The following APBA1 variants were observed in gnomAD, a reference collection of about 807,000 sequenced individuals.
APBA1 encodes the protein amyloid beta precursor protein binding family A member 1, also known as amyloid-beta A4 precursor protein-binding family A member 1.
A neutral mutation model predicts 86.6 loss-of-function variants in APBA1; 55 were observed. That is an observed-to-expected ratio of 0.64 (90% confidence interval 0.51 to 0.80). The LOEUF (loss-of-function observed/expected upper bound fraction) is 0.80. Among genes scored for constraint, APBA1 ranks in the 30% least tolerant of loss-of-function variants. The pLI is 0.00. For missense variants in APBA1, 1,090 were observed against 1,183.0 expected, an observed-to-expected ratio of 0.92 and a Z score of 1.15; for synonymous variants, 511 against 493.9, an observed-to-expected ratio of 1.03 and a Z score of -0.46.
intron 2 of APBA1, among the ~76,000 whole-genome samples, chr9:69,487,849 T>A (rs1835636804): frequency 6.6e-6 from 1 of 152,114 alleles, no homozygotes; most frequent in Admixed American, 6.5e-5. Flanking sequence ...TGAACAGTCC[T>A]CCACCCCAAA....
At chr9:69,665,535 C>A (rs1232213243) in intron 1 of APBA1, among the ~76,000 whole-genome samples, 2 of 152,166 alleles carry the variant, frequency 1.3e-5, no homozygotes, top group Non-Finnish European at 2.9e-5. Context: ...CTCATCAATT[C>A]CTCTCCGTAA....
chr9:69,448,405 G>C (rs1293323677), intron 10 of APBA1, among the ~76,000 whole-genome samples: 7 of 152,218 alleles, frequency 4.6e-5, no homozygotes, highest in Admixed American at 3.3e-4. Flanking sequence ...CCTTTAACGT[G>C]TATTAAGCAA....
At chr9:69,433,049 G>C (rs1834633262) in intron 11 of APBA1, among the ~76,000 whole-genome samples, 1 of 152,208 alleles carries the variant, frequency 6.6e-6, no homozygotes, top group Non-Finnish European at 1.5e-5. Context: ...AGTCATGACT[G>C]GGACTCAAGC....
chr9:69,445,536 T>C, intron 10 of APBA1, among the ~76,000 whole-genome samples: 1 of 152,034 alleles, frequency 6.6e-6, no homozygotes, highest in East Asian at 1.9e-4. Context: ...ATGGTCTCTA[T>C]AGCAACGGGA....
intron 1 of APBA1, among the ~76,000 whole-genome samples, chr9:69,660,776 G>T (rs1300391873): frequency 6.6e-6 from 1 of 152,048 alleles, no homozygotes; most frequent in Non-Finnish European, 1.5e-5. Context: ...ACATGTGGGG[G>T]GCATACTATA....
chr9:69,497,549 C>T (rs1201455957), intron 2 of APBA1, among the ~76,000 whole-genome samples: 1 of 152,176 alleles, frequency 6.6e-6, no homozygotes, highest in Non-Finnish European at 1.5e-5. Flanking sequence ...GTATCATCAG[C>T]ACACTGCTTG....
intron 1 of APBA1, among the ~76,000 whole-genome samples, chr9:69,604,903 C>G (rs891378035): frequency 5.9e-5 from 9 of 151,864 alleles, no homozygotes; most frequent in African/African-American, 2.2e-4. Flanking sequence ...AGAGGAGAGG[C>G]ACACGGGTAT....
At chr9:69,441,321 T>G (rs938975166) in intron 10 of APBA1, among the ~76,000 whole-genome samples, 2 of 152,224 alleles carry the variant, frequency 1.3e-5, no homozygotes. Flanking sequence ...ATGTTGCAGA[T>G]GGAGCCCTCT....
intron 1 of APBA1, among the ~76,000 whole-genome samples, chr9:69,541,099 CA>C (rs1836602065): frequency 6.6e-6 from 1 of 152,070 alleles, no homozygotes; most frequent in African/African-American, 2.4e-5. Flanking sequence ...TATTAATGGA[CA>C]TTTAGGTTGT....
At chr9:69,552,403 C>G (rs750983289) in intron 1 of APBA1, among the ~76,000 whole-genome samples, 1 of 152,178 alleles carries the variant, frequency 6.6e-6, no homozygotes, top group African/African-American at 2.4e-5. Context: ...ATGTCCTGCA[C>G]GAAAATCAAT....
chr9:69,454,337 C>T (rs1296003967), intron 8 of APBA1, among the ~76,000 whole-genome samples: 1 of 152,126 alleles, frequency 6.6e-6, no homozygotes, highest in African/African-American at 2.4e-5. Flanking sequence ...AAATATATAC[C>T]TGGGAATGTG....
At chr9:69,591,509 A>G (rs1021997142) in intron 1 of APBA1, among the ~76,000 whole-genome samples, 2 of 152,208 alleles carry the variant, frequency 1.3e-5, no homozygotes, top group African/African-American at 2.4e-5. Flanking sequence ...CTTCAAAGAC[A>G]GTTGTTAAGT....
intron 1 of APBA1, among the ~76,000 whole-genome samples, chr9:69,621,933 C>G (rs1479983262): frequency 6.6e-6 from 1 of 152,152 alleles, no homozygotes; most frequent in Non-Finnish European, 1.5e-5. Flanking sequence ...CATGTTCTCC[C>G]GTCCCAGATG....
chr9:69,441,885 G>A (rs186538715), intron 10 of APBA1, among the ~76,000 whole-genome samples: 3 of 152,250 alleles, frequency 2.0e-5, no homozygotes, highest in Admixed American at 1.3e-4. Flanking sequence ...TAGTTTCAGA[G>A]ACTATGTAGA....
intron 2 of APBA1, among the ~76,000 whole-genome samples, chr9:69,486,240 CT>C (rs1362594617): frequency 6.6e-6 from 1 of 152,112 alleles, no homozygotes; most frequent in Non-Finnish European, 1.5e-5. Context: ...GCATGAACCA[CT>C]GCCCCCGGCC....
intron 5 of APBA1, chr9:69,460,588 T>C (rs1265727539): frequency 6.6e-6 from 1 of 152,050 alleles, no homozygotes; most frequent in Non-Finnish European, 1.5e-5. Context: ...TCTTCAACTC[T>C]AGGGAACCGA....
Position 69,516,293 on chromosome 9 carries a change from C to G in APBA1, c.918G>C (p.Pro306=). 1 of 1,523,750 alleles carries G rather than the reference C, an allele frequency of 6.6e-7. No homozygotes were observed. The highest frequency in any genetic ancestry group is 8.7e-7 in the Non-Finnish European group (1 of 1,142,954). The allele number at this position is 1,523,750 out of a possible 1,614,324, so 94.4% of individuals were successfully genotyped here. The part of the protein sequence containing the change: ...AEQDLERPPT[P]AGGRPDSPGL... Reference sequence around the variant, plus strand: ...CGGGGCTGTCGGGGCGACCCCCGGCCGGGGTAGGGGGACGCTCCAGGTCCT... The same window carrying G: ...CGGGGCTGTCGGGGCGACCCCCGGCGGGGGTAGGGGGACGCTCCAGGTCCT... Residue 306 remains proline, a synonymous_variant, in exon 2 of 13, where the codon CCG becomes CCC. Transcript: ENST00000265381. The surrounding 1 kb of genome is among the most constrained non-coding windows in gnomAD (Gnocchi z 7.3).
At chr9:69,470,223 A>G (rs574724385) in intron 4 of APBA1, among the ~76,000 whole-genome samples, 75 of 152,366 alleles carry the variant, frequency 4.9e-4, no homozygotes, top group Admixed American at 1.4e-3. Flanking sequence ...CCCCAATTTC[A>G]TAAGTTCACT....
rs552626463 is a variant in APBA1 at position 69,460,591 on chromosome 9, G to A, written c.1483-2403C>T. The A allele has an allele frequency of 2.6e-5, 4 of 151,922 alleles. No individual in the cohort carries two copies. In the East Asian group the frequency reaches 7.7e-4, roughly 29 times the overall value. The allele number at this position is 151,922 out of a possible 1,614,324, so 9.4% of individuals were successfully genotyped here. ...GTTGGTCAAAATTCTTCAACTCTAG[G>A]GAACCGATTTGAAATAACTCTTTCA... On this transcript the variant is annotated intron_variant, in intron 5 of 12. Coordinates refer to ENST00000265381, the MANE Select transcript of APBA1 (RefSeq NM_001163.4).
Sources: allele counts gnomAD v4.1 joint callset (sites outside exome capture counted in the v4.1 genomes callset), GRCh38; gene constraint gnomAD v4.1.1; non-coding constraint Gnocchi (gnomAD v3.1); transcripts MANE v1.5; gene names NCBI Gene and HGNC (gene_info 2026-07-23, HGNC 2026-07-21).